The following GRID2 variants were observed in gnomAD, a reference collection of about 807,000 sequenced individuals.
GRID2 encodes the protein glutamate ionotropic receptor delta type subunit 2.
Under a neutral mutation model 114.8 loss-of-function variants are expected in GRID2, and 33 were observed. The observed-to-expected ratio is 0.29, with a 90% CI of 0.22 to 0.38. GRID2 has a LOEUF of 0.38. Among genes scored for constraint, GRID2 ranks in the 10% least tolerant of loss-of-function variants. The probability of loss-of-function intolerance (pLI) is 1.00; values close to 1 mark genes in which losing one functional copy is unlikely to be tolerated. For synonymous variants in GRID2, 505 were observed against 449.9 expected, an observed-to-expected ratio of 1.12 and a Z score of -1.55; for missense variants, 1,184 against 1,257.7, an observed-to-expected ratio of 0.94 and a Z score of 0.89.
intron 2 of GRID2, among the ~76,000 whole-genome samples, chr4:92,637,185 G>T (rs1469450112): frequency 6.6e-6 from 1 of 151,872 alleles, no homozygotes; most frequent in East Asian, 1.9e-4. Context: ...AGAAGAGGAA[G>T]ACATCTACAA....
chr4:93,648,512 G>T (rs1722311765), intron 14 of GRID2, among the ~76,000 whole-genome samples: 1 of 152,132 alleles, frequency 6.6e-6, no homozygotes, highest in Non-Finnish European at 1.5e-5. Context: ...AGCCATTGTT[G>T]AAGGGCTATT....
intron 14 of GRID2, among the ~76,000 whole-genome samples, chr4:93,696,427 T>C (rs984255070): frequency 2.5e-4 from 38 of 152,178 alleles, no homozygotes; most frequent in Non-Finnish European, 1.3e-4. Flanking sequence ...AATACTCTCT[T>C]TCCAGCACTC....
intron 13 of GRID2, among the ~76,000 whole-genome samples, chr4:93,515,916 A>G (rs1246018878): frequency 6.6e-6 from 1 of 152,140 alleles, no homozygotes; most frequent in Admixed American, 6.6e-5. Context: ...ATCTTTATTT[A>G]CATCTTACTT....
intron 6 of GRID2, among the ~76,000 whole-genome samples, chr4:93,217,558 G>GT (rs200862861): frequency 1.7e-4 from 26 of 150,114 alleles, no homozygotes; most frequent in Admixed American, 3.3e-4. Flanking sequence ...AGCCTCTGTG[G>GT]TTTTTTTTTC....
At chr4:93,736,646 A>G (rs934850797) in intron 14 of GRID2, among the ~76,000 whole-genome samples, 2 of 151,994 alleles carry the variant, frequency 1.3e-5, no homozygotes, top group Admixed American at 6.6e-5. Flanking sequence ...TAAAATAATA[A>G]TGGTTTGCTA....
intron 1 of GRID2, among the ~76,000 whole-genome samples, chr4:92,453,408 T>G (rs559345065): frequency 6.6e-6 from 1 of 152,286 alleles, no homozygotes; most frequent in Admixed American, 6.5e-5. Context: ...TAGCAGAGAA[T>G]GGGTTCATAC....
At position 92,870,526 on chromosome 4, in the gene GRID2, T is replaced by G. The variant is rs1287244545; in HGVS notation, c.245-214469T>G. On this transcript the variant is annotated intron_variant, in intron 2 of 15. Coordinates refer to ENST00000282020, the MANE Select transcript of GRID2 (RefSeq NM_001510.4). ...ACTCCTATTGAAAAGAATTAAACAT[T>G]ATAATGTGAATAGGTGAGATATATG... Among the ~76,000 whole-genome samples, 4 of 152,072 alleles carry G rather than the reference T, an allele frequency of 2.6e-5. No individual in the cohort carries two copies. The East Asian group carries it at 7.7e-4, about 29-fold the overall frequency.
rs543861311 is a variant in GRID2 at position 92,856,753 on chromosome 4, T to G, written c.245-228242T>G. Among the ~76,000 whole-genome samples the G allele has an allele frequency of 6.1e-4, 93 of 152,280 alleles. No individual in the cohort carries two copies. The Middle Eastern group carries it at 0.01, about 17-fold the overall frequency. On this transcript the variant is annotated intron_variant, in intron 2 of 15. Coordinates refer to ENST00000282020, the MANE Select transcript of GRID2 (RefSeq NM_001510.4). ...GCATTTTTCTTCAACATCTTGTACG[T>G]AGTTGGTTTTATGTACGGACATTGT... is the stretch of plus-strand genomic sequence containing the variant.
intron 2 of GRID2, among the ~76,000 whole-genome samples, chr4:92,650,771 A>C (rs1174211987): frequency 2.0e-5 from 3 of 151,636 alleles, no homozygotes; most frequent in African/African-American, 2.4e-5. Context: ...GAGTGGTACC[A>C]CTCCCATTTC....
At chr4:92,368,640 G>A (rs1728981392) in intron 1 of GRID2, among the ~76,000 whole-genome samples, 1 of 151,950 alleles carries the variant, frequency 6.6e-6, no homozygotes, top group Non-Finnish European at 1.5e-5. Context: ...ATAATCCTAT[G>A]AAGGGCATTA....
chr4:92,766,606 AATGAT>A (rs1170488710), intron 2 of GRID2, among the ~76,000 whole-genome samples: 1 of 152,106 alleles, frequency 6.6e-6, no homozygotes, highest in Non-Finnish European at 1.5e-5. Flanking sequence ...AAGTTGAATG[AATGAT>A]ATATTTGTAG....
chr4:93,160,086 C>T (rs1451126457), intron 4 of GRID2, among the ~76,000 whole-genome samples: 2 of 151,698 alleles, frequency 1.3e-5, no homozygotes, highest in Non-Finnish European at 2.9e-5. Context: ...ATCTTTGGCA[C>T]ATATTTTCAC....
chr4:93,263,427 GA>G (rs1408620598), intron 8 of GRID2, among the ~76,000 whole-genome samples: 10 of 151,888 alleles, frequency 6.6e-5, no homozygotes, highest in African/African-American at 2.4e-4. Context: ...ATCCATCTGA[GA>G]TTTTTTTTTG....
At chr4:93,493,106 G>A (rs1485492502) in intron 12 of GRID2, among the ~76,000 whole-genome samples, 2 of 151,782 alleles carry the variant, frequency 1.3e-5, no homozygotes, top group Non-Finnish European at 2.9e-5. Context: ...ATAAAATTGA[G>A]TATTTTATTT....
intron 2 of GRID2, among the ~76,000 whole-genome samples, chr4:92,608,601 T>C (rs1386282973): frequency 1.3e-5 from 2 of 151,872 alleles, no homozygotes; most frequent in African/African-American, 4.8e-5. Flanking sequence ...TTGTGTGCTA[T>C]AACTCAGAGT....
intron 2 of GRID2, among the ~76,000 whole-genome samples, chr4:92,921,875 G>T (rs1241249000): frequency 6.6e-6 from 1 of 152,188 alleles, no homozygotes; most frequent in Non-Finnish European, 1.5e-5. Context: ...CTTCAAAGCT[G>T]TCATACGGGT....
chr4:93,587,520 G>C (rs916963051), intron 13 of GRID2, among the ~76,000 whole-genome samples: 18 of 152,008 alleles, frequency 1.2e-4, no homozygotes, highest in Non-Finnish European at 2.1e-4. Flanking sequence ...TTAAATTTTA[G>C]TTAGAGTATA....
Position 93,140,127 on chromosome 4 carries a change from T to C in GRID2, c.735+29174T>C, listed in dbSNP as rs72887672. ...CGTCTCTGCCATCCCTTAATCTCCA[T>C]TGGAAACCATATCATTTTCTTTCTT... On this transcript the variant is annotated intron_variant, in intron 4 of 15. Coordinates refer to ENST00000282020, the MANE Select transcript of GRID2 (RefSeq NM_001510.4). 7.3e-3 allele frequency among the ~76,000 whole-genome samples: 1,112 copies of C among 151,750 alleles called. 19 individuals are homozygous for C. The highest frequency in any genetic ancestry group is 0.026 in the African/African-American group (1,059 of 41,372).
intron 13 of GRID2, among the ~76,000 whole-genome samples, chr4:93,619,238 G>C (rs1741989875): frequency 6.6e-6 from 1 of 152,164 alleles, no homozygotes; most frequent in Non-Finnish European, 1.5e-5. Context: ...ACTTAAACTT[G>C]AGTTTGATCA....
Sources: allele counts gnomAD v4.1 joint callset (sites outside exome capture counted in the v4.1 genomes callset), GRCh38; gene constraint gnomAD v4.1.1; transcripts MANE v1.5; gene names NCBI Gene and HGNC (gene_info 2026-07-23, HGNC 2026-07-21).